Variants in HSPD1 observed in about 807,000 individuals in gnomAD.
HSPD1 encodes the protein 60 kDa heat shock protein, mitochondrial.
In HSPD1, 3 loss-of-function variants were observed where a neutral mutation model predicts 53.0. That is an observed-to-expected ratio of 0.06 (90% CI 0.03 to 0.15). The LOEUF (loss-of-function observed/expected upper bound fraction) is 0.15. Ranked by LOEUF, HSPD1 falls within the 10% of genes least tolerant of loss-of-function variation. The pLI is 1.00. For missense variants in HSPD1, 431 were observed against 694.1 expected, an observed-to-expected ratio of 0.62 and a Z score of 4.26; for synonymous variants, 200 against 228.0, an observed-to-expected ratio of 0.88 and a Z score of 1.10.
chr2:197,492,093 G>T (rs2086100179), intron 7 of HSPD1, among the ~76,000 whole-genome samples: 1 of 152,236 alleles, frequency 6.6e-6, no homozygotes, highest in South Asian at 2.1e-4. Context: ...AGAGTTCAAG[G>T]CTGCAGTGAG....
chr2:197,497,564 C>G (rs1393065568), intron 2 of HSPD1, 172 bp from the exon 3 acceptor site: 2 of 657,736 alleles, frequency 3.0e-6, no homozygotes, highest in Non-Finnish European at 5.3e-6. Flanking sequence ...CATTCTTTGT[C>G]TACAGACAAA....
chr2:197,494,028 G>A (rs935053290), intron 6 of HSPD1, 129 bp downstream of exon 6: 22 of 598,306 alleles, frequency 3.7e-5, no homozygotes, highest in Admixed American at 8.3e-5. Context: ...CTTGAACCCG[G>A]AAGGCGGAGG....
chr2:197,487,658 G>A (rs1156963053), intron 11 of HSPD1, among the ~76,000 whole-genome samples, 200 bp downstream of exon 11: 1 of 152,204 alleles, frequency 6.6e-6, no homozygotes, highest in Non-Finnish European at 1.5e-5. Flanking sequence ...CTACTCAAGG[G>A]ATCCTGCTTC....
chr2:197,487,325 T>C, intron 11 of HSPD1, 127 bp from the exon 12 acceptor site: 1 of 802,140 alleles, frequency 1.2e-6, no homozygotes, highest in Non-Finnish European at 2.1e-6. Flanking sequence ...GGCAGGTAGA[T>C]GACTTGAGGT....
At chr2:197,498,431 G>A (rs1192530526) in intron 2 of HSPD1, among the ~76,000 whole-genome samples, 1 of 152,156 alleles carries the variant, frequency 6.6e-6, no homozygotes, top group African/African-American at 2.4e-5. Flanking sequence ...ACCTTGAGCT[G>A]TAAGTTACTA....
chr2:197,499,211 G>A (rs932332644), intron 1 of HSPD1: 9 of 370,194 alleles, frequency 2.4e-5, no homozygotes, highest in African/African-American at 1.0e-4. Context: ...GCCGGAGAGA[G>A]GCAAGTTACA....
At chr2:197,497,045 A>G (rs895951876) in intron 3 of HSPD1, 95 bp downstream of exon 3, 6 of 1,256,820 alleles carry the variant, frequency 4.8e-6, no homozygotes, top group Non-Finnish European at 7.0e-6. Context: ...AGAAGGATTA[A>G]TTTCCTCAAG....
intron 4 of HSPD1, chr2:197,495,011 C>G (rs919535654): frequency 1.0e-5 from 6 of 594,572 alleles, no homozygotes; most frequent in Admixed American, 6.1e-5. Context: ...TCATTACAAA[C>G]TGACAAAACT....
intron 7 of HSPD1, among the ~76,000 whole-genome samples, chr2:197,491,583 T>C (rs563286514): frequency 6.6e-5 from 10 of 152,370 alleles, no homozygotes; most frequent in East Asian, 1.9e-4. Flanking sequence ...TACCTGTTAA[T>C]GTATGCATTT....
At chr2:197,491,158 T>C (rs1421216658) in intron 7 of HSPD1, among the ~76,000 whole-genome samples, 2 of 151,998 alleles carry the variant, frequency 1.3e-5, no homozygotes, top group Non-Finnish European at 2.9e-5. Flanking sequence ...TGTAGGCTTG[T>C]TTTTTTCTGG....
chr2:197,494,055 G>A (rs1011582435), intron 6 of HSPD1, 102 bp downstream of exon 6: 4 of 668,526 alleles, frequency 6.0e-6, no homozygotes, highest in African/African-American at 5.4e-5. Context: ...TGAGCAACGC[G>A]CCACCACATC....
chr2:197,492,632 G>C (rs1233544804), intron 7 of HSPD1, among the ~76,000 whole-genome samples: 3 of 151,676 alleles, frequency 2.0e-5, no homozygotes, highest in Non-Finnish European at 4.4e-5. Flanking sequence ...GAACCCCGGA[G>C]GCTTGAGCTG....
At chr2:197,488,705 C>T (rs1320726560) in intron 9 of HSPD1, among the ~76,000 whole-genome samples, 2 of 152,116 alleles carry the variant, frequency 1.3e-5, no homozygotes, top group African/African-American at 2.4e-5. Context: ...CCTGTCTCCA[C>T]TAAAAATACA....
At chr2:197,493,206 G>T in intron 7 of HSPD1, 118 bp downstream of exon 7, 1 of 890,190 alleles carries the variant, frequency 1.1e-6, no homozygotes, top group Non-Finnish European at 1.9e-6. Context: ...TACAATTCTA[G>T]ATACAAACCC....
intron 3 of HSPD1, among the ~76,000 whole-genome samples, 200 bp from the exon 4 acceptor site, chr2:197,495,576 T>G (rs2086147667): frequency 6.6e-6 from 1 of 151,794 alleles, no homozygotes; most frequent in African/African-American, 2.4e-5. Flanking sequence ...AGCCCTGACA[T>G]CCTGGGCTCA....
chr2:197,492,235 G>A (rs1407372804), intron 7 of HSPD1, among the ~76,000 whole-genome samples: 1 of 152,248 alleles, frequency 6.6e-6, no homozygotes, highest in Non-Finnish European at 1.5e-5. Flanking sequence ...TTGTTGCCCA[G>A]GCTGGGGTGC....
intron 8 of HSPD1, among the ~76,000 whole-genome samples, chr2:197,489,770 G>T (rs1220215131): frequency 1.3e-5 from 2 of 151,994 alleles, no homozygotes; most frequent in Admixed American, 1.3e-4. Context: ...CGGGAGGATT[G>T]CTTGAACCCA....
chr2:197,487,288 C>T (rs1245807455), intron 11 of HSPD1, 90 bp from the exon 12 acceptor site: 1 of 1,179,564 alleles, frequency 8.5e-7, no homozygotes, highest in Non-Finnish European at 1.2e-6. Context: ...TGGCTCACAC[C>T]TGTAATCCAG....
In HSPD1 at chr2:197,493,512, T is replaced by C. The variant is rs1190046551; in HGVS notation, c.701-20A>G. 6.4e-7 allele frequency: 1 copy of C among 1,574,234 alleles called. No homozygotes were observed. Among genetic ancestry groups the C allele is most frequent in the Non-Finnish European group, 8.7e-7 (1 of 1,143,916 alleles). ...TCTGACCTGTAAAAATAATGAAGAT[T>C]TCAAAAATATACAAAAAATGACTGC... On this transcript the variant is annotated intron_variant, in intron 6 of 11. Coordinates refer to ENST00000388968, the MANE Select transcript of HSPD1 (RefSeq NM_002156.5).
Sources: gnomAD v4.1 joint callset for allele counts (sites outside exome capture counted in the v4.1 genomes callset) on GRCh38, gnomAD v4.1.1 for gene constraint, MANE v1.5 for transcripts, NCBI Gene and HGNC (gene_info 2026-07-23, HGNC 2026-07-21) for gene names.